Variants in CHL1 observed in about 807,000 individuals in gnomAD.
The protein encoded by CHL1 is neural cell adhesion molecule L1-like protein.
In CHL1, 96 loss-of-function variants were observed where a neutral mutation model predicts 141.9. The observed-to-expected ratio is 0.68, with a 90% CI of 0.57 to 0.80. The LOEUF (loss-of-function observed/expected upper bound fraction) is 0.80. Among genes scored for constraint, CHL1 ranks in the 30% least tolerant of loss-of-function variants. The pLI, the probability that CHL1 is intolerant of heterozygous loss-of-function variation, is 0.00. For synonymous variants in CHL1, 613 were observed against 502.2 expected, an observed-to-expected ratio of 1.22 and a Z score of -2.95; for missense variants, 1,820 against 1,457.2, an observed-to-expected ratio of 1.25 and a Z score of -4.05.
At chr3:197,858 C>A (rs1187449998) in intron 1 of CHL1, 1 of 421,848 alleles carries the variant, frequency 2.4e-6, no homozygotes, top group South Asian at 1.7e-5. Flanking sequence ...CTTTGTGCCT[C>A]TCTCTTTCTC....
At chr3:304,967 C>G (rs1043834184) in intron 2 of CHL1, among the ~76,000 whole-genome samples, 3 of 152,072 alleles carry the variant, frequency 2.0e-5, no homozygotes, top group African/African-American at 7.2e-5. Flanking sequence ...TTATCAATTT[C>G]TCTCTGATAA....
intron 18 of CHL1, 71 bp from the exon 19 acceptor site, chr3:383,745 C>T: frequency 1.1e-6 from 1 of 951,352 alleles, no homozygotes; most frequent in Middle Eastern, 3.3e-4. Flanking sequence ...TTTTGGGGGG[C>T]AGGAGTTGTG....
At chr3:335,232 T>C (rs1053318701) in intron 5 of CHL1, among the ~76,000 whole-genome samples, 3 of 152,212 alleles carry the variant, frequency 2.0e-5, no homozygotes, top group Non-Finnish European at 2.9e-5. Context: ...AACAGATCAA[T>C]TTGTTCAATT....
Position 341,828 on chromosome 3 carries a change from A to G in CHL1, c.509-84A>G, listed in dbSNP as rs537703679. ...GCAAACAGGAAAAACCAAATGAAATAATAATGTAAAAGAAAATGAAAAAGG... is the reference window on the plus strand; with the variant it reads ...GCAAACAGGAAAAACCAAATGAAATGATAATGTAAAAGAAAATGAAAAAGG... On this transcript the variant is annotated intron_variant, in intron 6 of 27. Transcript: ENST00000256509. 22 of 1,149,920 alleles carry G rather than the reference A, an allele frequency of 1.9e-5. 1 individual carries two copies. In the African/African-American group the frequency reaches 2.5e-4, roughly 13 times the overall value. The allele number at this position is 1,149,920 out of a possible 1,614,324, so 71.2% of individuals were successfully genotyped here. A position where few individuals can be genotyped will look rare whatever the true frequency, so the allele number is the denominator to read the frequency against.
intron 12 of CHL1, among the ~76,000 whole-genome samples, chr3:360,685 AC>A (rs1212941111): frequency 6.7e-6 from 1 of 148,944 alleles, no homozygotes; most frequent in Non-Finnish European, 1.5e-5. Flanking sequence ...GGTGCGCTGC[AC>A]CCACTAACTC....
intron 2 of CHL1, among the ~76,000 whole-genome samples, chr3:260,038 G>A (rs73092559): frequency 0.055 from 8,310 of 152,182 alleles, 725 homozygotes; most frequent in African/African-American, 0.19. Flanking sequence ...GCCGAGGCAG[G>A]CCTATCACTC....
chr3:390,839 C>T (rs1708162404), intron 21 of CHL1, 23 bp downstream of exon 21: 8 of 1,529,056 alleles, frequency 5.2e-6, no homozygotes, highest in Non-Finnish European at 4.5e-6. Context: ...ATGGTTTTTC[C>T]TCTTCTTGTT....
chr3:313,421 C>G (rs1412453752), intron 2 of CHL1, among the ~76,000 whole-genome samples: 1 of 152,028 alleles, frequency 6.6e-6, no homozygotes, highest in East Asian at 1.9e-4. Flanking sequence ...GTAGAAACCT[C>G]TTTTTTTAAA....
chr3:205,156 G>A (rs915732674), intron 1 of CHL1, among the ~76,000 whole-genome samples: 2 of 145,642 alleles, frequency 1.4e-5, no homozygotes, highest in Admixed American at 7.0e-5. Context: ...AGGCTGGAGC[G>A]CTGGAGTACA....
intron 2 of CHL1, among the ~76,000 whole-genome samples, chr3:257,598 T>A (rs2125172896): frequency 6.6e-6 from 1 of 152,226 alleles, no homozygotes; most frequent in African/African-American, 2.4e-5. Context: ...GGTGATCTAC[T>A]GCCTCGGCCT....
rs10665933 is a variant in CHL1 at position 236,888 on chromosome 3, C to CAAA, written c.-174-7716_-174-7714dup. Among the ~76,000 whole-genome samples the CAAA allele has an allele frequency of 1.0e-3, 142 of 142,124 alleles. 1 individual carries two copies. Among genetic ancestry groups the CAAA allele is most frequent in the Admixed American group, 1.4e-3 (20 of 14,644 alleles). 93.2% of individuals were successfully genotyped at this position (142,124 alleles called of 152,430 possible). ...AAAAAATAATCATAGACTTTTAGGGCAAAAAAAAAAACCTTGTAAATAGCA... is the reference window on the plus strand; with the variant it reads ...AAAAAATAATCATAGACTTTTAGGGCAAAAAAAAAAAAAACCTTGTAAATAGCA... On this transcript the variant is annotated intron_variant, in intron 1 of 27. Coordinates refer to ENST00000256509, the MANE Select transcript of CHL1 (RefSeq NM_006614.4).
At chr3:354,912 T>A in intron 11 of CHL1, 141 bp downstream of exon 11, 2 of 1,066,576 alleles carry the variant, frequency 1.9e-6, no homozygotes, top group Non-Finnish European at 2.6e-6. Context: ...AGATTGTTTA[T>A]TTCTAAGCAA....
intron 1 of CHL1, among the ~76,000 whole-genome samples, chr3:236,323 A>T (rs192586807): frequency 2.0e-5 from 3 of 152,186 alleles, no homozygotes; most frequent in African/African-American, 7.2e-5. Context: ...TTTGTGCTAC[A>T]TGCTGGAGCT....
chr3:253,675 T>C (rs942307104), intron 2 of CHL1, among the ~76,000 whole-genome samples: 2 of 152,212 alleles, frequency 1.3e-5, no homozygotes, highest in African/African-American at 4.8e-5. Flanking sequence ...TTTATTTATA[T>C]GTTTATTTTG....
intron 1 of CHL1, among the ~76,000 whole-genome samples, chr3:243,816 T>C (rs564320388): frequency 2.0e-5 from 3 of 152,340 alleles, no homozygotes; most frequent in Non-Finnish European, 2.9e-5. Flanking sequence ...ACATGGAATT[T>C]AGCTCTTCTG....
intron 19 of CHL1, chr3:385,800 C>G (rs914464528): frequency 2.9e-5 from 4 of 136,900 alleles, no homozygotes; most frequent in Admixed American, 1.7e-4. Context: ...TACGCTCCAG[C>G]CTGGGTGACA....
intron 2 of CHL1, among the ~76,000 whole-genome samples, chr3:262,900 T>G (rs1016432521): frequency 2.0e-5 from 3 of 152,198 alleles, no homozygotes; most frequent in African/African-American, 4.8e-5. Flanking sequence ...CCACTAGGGT[T>G]TCTGGAGTTT....
chr3:225,970 G>C (rs957584099), intron 1 of CHL1, among the ~76,000 whole-genome samples: 17 of 151,300 alleles, frequency 1.1e-4, no homozygotes, highest in South Asian at 1.1e-3. Flanking sequence ...GATAGCACCA[G>C]TGCACTTCAG....
Position 351,007 on chromosome 3 carries a change from A to G in CHL1, c.1033+1464A>G, listed in dbSNP as rs538788253. 2.0e-5 allele frequency among the ~76,000 whole-genome samples: 3 copies of G among 152,292 alleles called. No homozygotes were observed. The South Asian group carries it at 6.2e-4, about 32-fold the overall frequency. ...AACCCCCTCCTCCCCTCCCTGGCAC[A>G]CACACACCCACGAACCAGACATATC... On this transcript the variant is annotated intron_variant, in intron 10 of 27. Transcript: ENST00000256509.
Sources: allele counts gnomAD v4.1 joint callset (sites outside exome capture counted in the v4.1 genomes callset), GRCh38; gene constraint gnomAD v4.1.1; transcripts MANE v1.5; gene names NCBI Gene and HGNC (gene_info 2026-07-23, HGNC 2026-07-21).